TNFSF13B: variants seen among roughly 807,000 people sequenced by gnomAD.
TNFSF13B encodes tumor necrosis factor ligand superfamily member 13B.
Under a neutral mutation model 29.1 loss-of-function variants are expected in TNFSF13B, and 8 were observed. That is an observed-to-expected ratio of 0.27 (90% confidence interval 0.16 to 0.50). TNFSF13B has a LOEUF of 0.50. Ranked by LOEUF, TNFSF13B falls within the 20% of genes least tolerant of loss-of-function variation. TNFSF13B has a pLI of 0.98. For synonymous variants in TNFSF13B, 125 were observed against 130.8 expected (o/e 0.96, Z 0.30); for missense variants, 248 against 334.9 (o/e 0.74, Z 2.03).
chr13:108,284,221 C>T (rs1025601133), intron 2 of TNFSF13B, among the ~76,000 whole-genome samples: 4 of 152,116 alleles, frequency 2.6e-5, no homozygotes, highest in African/African-American at 9.7e-5. Flanking sequence ...CCCAGCTACT[C>T]GGGAGGCTGA....
rs58093140 is a variant in TNFSF13B at position 108,307,016 on chromosome 13, C to CAA, written c.*108_*109dup. ...GAAGAAAGAATCTAACTGAAAATAC[C>CAA]AAAAAAAAAAAAAAAAAAAAAAAAA... On this transcript the variant is annotated 3_prime_UTR_variant, in exon 6 of 6. Coordinates refer to ENST00000375887, the MANE Select transcript of TNFSF13B (RefSeq NM_006573.5). 1.2e-3 allele frequency: 89 copies of CAA among 76,672 alleles called. 1 individual carries two copies. The highest frequency in any genetic ancestry group is 1.5e-3 in the Non-Finnish European group (60 of 40,972). 4.7% of individuals were successfully genotyped at this position (76,672 alleles called of 1,614,324 possible).
At chr13:108,282,923 G>A (rs1376567883) in intron 2 of TNFSF13B, among the ~76,000 whole-genome samples, 2 of 152,192 alleles carry the variant, frequency 1.3e-5, no homozygotes, top group Non-Finnish European at 2.9e-5. Context: ...AGGGAGAGAT[G>A]TGTGAAAGGC....
At chr13:108,276,054 G>A (rs758777010) in intron 2 of TNFSF13B, among the ~76,000 whole-genome samples, 1 of 152,186 alleles carries the variant, frequency 6.6e-6, no homozygotes, top group African/African-American at 2.4e-5. Context: ...TCCTTTGCAA[G>A]GAAAGATGAG....
chr13:108,306,781 C>A, intron 5 of TNFSF13B, 45 bp from the exon 6 acceptor site: 1 of 1,104,168 alleles, frequency 9.1e-7, no homozygotes, highest in Non-Finnish European at 1.3e-6. Flanking sequence ...CTTTTCTTTT[C>A]TGTTGTATAA....
chr13:108,272,033 A>G (rs1027977270), intron 2 of TNFSF13B, among the ~76,000 whole-genome samples: 12 of 152,172 alleles, frequency 7.9e-5, no homozygotes, highest in African/African-American at 2.9e-4. Context: ...TATACATGCA[A>G]TCAAAAATGT....
rs138425114 is a variant in TNFSF13B at position 108,293,287 on chromosome 13, C to T, written c.481+6428C>T. On this transcript the variant is annotated intron_variant, in intron 3 of 5. Coordinates refer to ENST00000375887, the MANE Select transcript of TNFSF13B (RefSeq NM_006573.5). ...ATTTATTTTGTTTCTTTATACACCT[C>T]GCCTTATGCTGGACCACTATACTAT... Among the ~76,000 whole-genome samples the T allele has an allele frequency of 2.7e-3, 404 of 152,186 alleles. 3 individuals carry two copies. The highest frequency in any genetic ancestry group is 9.4e-3 in the African/African-American group (390 of 41,530).
At chr13:108,293,062 A>T (rs531067520) in intron 3 of TNFSF13B, among the ~76,000 whole-genome samples, 15 of 152,030 alleles carry the variant, frequency 9.9e-5, no homozygotes, top group Non-Finnish European at 2.1e-4. Flanking sequence ...TATGTCTTAT[A>T]TTTAGGTAAT....
chr13:108,278,507 T>G (rs1275252829), intron 2 of TNFSF13B, among the ~76,000 whole-genome samples: 2 of 145,640 alleles, frequency 1.4e-5, no homozygotes, highest in Non-Finnish European at 3.0e-5. Context: ...TCTTCTAAAT[T>G]TGTAAATTTT....
upstream of TNFSF13B, chr13:108,269,705 C>A: frequency 1.9e-6 from 1 of 523,898 alleles, no homozygotes; most frequent in East Asian, 3.1e-5. Context: ...TGCCAGCAAA[C>A]CTACTGTACA....
intron 2 of TNFSF13B, among the ~76,000 whole-genome samples, chr13:108,282,905 T>G (rs1880998669): frequency 6.6e-6 from 1 of 152,196 alleles, no homozygotes; most frequent in African/African-American, 2.4e-5. Context: ...TCCTTTCAAT[T>G]GTAGTAGAGG....
intron 2 of TNFSF13B, among the ~76,000 whole-genome samples, chr13:108,281,175 A>G (rs1353226055): frequency 2.0e-5 from 3 of 152,184 alleles, no homozygotes; most frequent in African/African-American, 7.2e-5. Flanking sequence ...TGGGAGGCCG[A>G]GTTTGCAATG....
Position 108,285,160 on chromosome 13 carries a change from T to C in TNFSF13B, c.425-1643T>C, listed in dbSNP as rs115679205. 9.1e-3 allele frequency among the ~76,000 whole-genome samples: 1,382 copies of C among 152,172 alleles called. 20 individuals are homozygous for C. The highest frequency in any genetic ancestry group is 0.032 in the African/African-American group (1,319 of 41,526). On this transcript the variant is annotated intron_variant, in intron 2 of 5. Transcript: ENST00000375887. ...ATAAAAATGTGTTAGAAAAGCTTTA[T>C]AGTTATAAAGGAATTATAGTTTTTA... is the stretch of plus-strand genomic sequence containing the variant.
At chr13:108,300,539 C>T (rs1382094145) in intron 3 of TNFSF13B, among the ~76,000 whole-genome samples, 1 of 152,122 alleles carries the variant, frequency 6.6e-6, no homozygotes, top group Non-Finnish European at 1.5e-5. Flanking sequence ...CATTTTTCAG[C>T]ACTCCAAAAA....
intron 3 of TNFSF13B, among the ~76,000 whole-genome samples, chr13:108,290,058 A>G (rs1881261894): frequency 6.6e-6 from 1 of 152,180 alleles, no homozygotes; most frequent in African/African-American, 2.4e-5. Context: ...GACTCCCTCT[A>G]TGTTAACACA....
At chr13:108,282,254 T>C (rs1002372388) in intron 2 of TNFSF13B, among the ~76,000 whole-genome samples, 1 of 152,012 alleles carries the variant, frequency 6.6e-6, no homozygotes, top group Non-Finnish European at 1.5e-5. Flanking sequence ...GAATGCTCTG[T>C]GTGTAATGTT....
chr13:108,304,878 TAA>T (rs1881726151), intron 5 of TNFSF13B, among the ~76,000 whole-genome samples: 2 of 152,308 alleles, frequency 1.3e-5, no homozygotes, highest in East Asian at 1.9e-4. Flanking sequence ...CTAACTTTCA[TAA>T]AGAGATGTTT....
chr13:108,284,363 TAAAC>T (rs59679258), intron 2 of TNFSF13B, among the ~76,000 whole-genome samples: 5,573 of 89,674 alleles, frequency 0.062, 146 homozygotes, highest in African/African-American at 0.09. Context: ...AATGAATAAA[TAAAC>T]AAACAAACAA....
chr13:108,284,038 T>C (rs1881040014), intron 2 of TNFSF13B, among the ~76,000 whole-genome samples: 1 of 152,016 alleles, frequency 6.6e-6, no homozygotes, highest in African/African-American at 2.4e-5. Flanking sequence ...TGACTTGAAA[T>C]AGGAAGTCAT....
intron 3 of TNFSF13B, among the ~76,000 whole-genome samples, chr13:108,300,097 A>C (rs1488516484): frequency 1.3e-5 from 2 of 152,126 alleles, no homozygotes; most frequent in Non-Finnish European, 2.9e-5. Context: ...TGGTTTTAGA[A>C]ATTTGTATTT....
Sources: gnomAD v4.1 joint callset for allele counts (sites outside exome capture counted in the v4.1 genomes callset) on GRCh38, gnomAD v4.1.1 for gene constraint, MANE v1.5 for transcripts, NCBI Gene and HGNC (gene_info 2026-07-23, HGNC 2026-07-21) for gene names.